The following HNRNPH3 variants were observed in gnomAD, a reference collection of about 807,000 sequenced individuals.
HNRNPH3 encodes the protein heterogeneous nuclear ribonucleoprotein 2H9.
A neutral mutation model predicts 47.0 loss-of-function variants in HNRNPH3; 7 were observed. The ratio of observed to expected loss-of-function variants is 0.15; its 90% CI spans 0.08 to 0.28. The LOEUF is 0.28. HNRNPH3 is among the 10% of genes least tolerant of loss of function. The pLI, the probability that HNRNPH3 is intolerant of heterozygous loss-of-function variation, is 1.00. For synonymous variants in HNRNPH3, 120 were observed against 143.2 expected (o/e 0.84, Z 1.16); for missense variants, 279 against 449.6 (o/e 0.62, Z 3.43).
At chr10:68,341,494 T>G in intron 7 of HNRNPH3, 91 bp from the exon 8 acceptor site, 1 of 1,043,984 alleles carries the variant, frequency 9.6e-7, no homozygotes. Context: ...TTGTTTAATA[T>G]TACTTAATTG....
rs996561097 is a variant in HNRNPH3 at position 68,341,981 on chromosome 10, G to C, written c.968G>C (p.Arg323Pro). 1.2e-6 allele frequency: 2 copies of C among 1,613,682 alleles called. No individual in the cohort carries two copies. The highest frequency in any genetic ancestry group is 1.7e-6 in the Non-Finnish European group (2 of 1,179,802). Residue 323 changes from arginine to proline, a missense_variant, in exon 10 of 10, where the codon CGT becomes CCT. By Grantham distance (103) the Arg-to-Pro change is moderately radical. Transcript: ENST00000265866. ...TTCTTAATATCTTTTTCTTAAGGCC[G>C]TGGTGGTGGAGGCAGTGGAGGTTAC... Reference protein sequence around the residue: ...GTPDGLGGYGRGGGGSGGYYG... With the variant: ...GTPDGLGGYGPGGGGSGGYYG...
Position 68,332,087 on chromosome 10 carries a change from T to A in HNRNPH3, c.-153T>A, listed in dbSNP as rs1300920834. The A allele has an allele frequency of 6.6e-6, 1 of 152,328 alleles. No homozygotes were observed. The highest frequency in any genetic ancestry group is 1.9e-4 in the East Asian group (1 of 5,192). 9.4% of individuals were successfully genotyped at this position (152,328 alleles called of 1,614,324 possible). ...CCAGTAGCTGTGCTGCGCAGCTCCC[T>A]AAGCGGTTGTCACCGCTGGAGACGG... On this transcript the variant is annotated 5_prime_UTR_variant, in exon 1 of 10. Coordinates refer to ENST00000265866, the MANE Select transcript of HNRNPH3 (RefSeq NM_012207.3).
In HNRNPH3 at chr10:68,339,565, T is replaced by C; in HGVS notation, c.639+10T>C. 1 of 1,498,250 alleles carries C rather than the reference T, an allele frequency of 6.7e-7. No individual in the cohort carries two copies. The highest frequency in any genetic ancestry group is 2.3e-5 in the East Asian group (1 of 44,316). 92.8% of individuals were successfully genotyped at this position (1,498,250 alleles called of 1,614,324 possible). On this transcript the variant is annotated intron_variant, in intron 6 of 9. Transcript: ENST00000265866. ...AAATGACATTGCTAATGTGAGTAAT[T>C]TTTAATAACTATTAGTGGTTTTATA...
chr10:68,342,263 A>C lies in HNRNPH3; in HGVS notation c.*209A>C. 1 of 489,806 alleles carries C rather than the reference A, an allele frequency of 2.0e-6. No individual in the cohort carries two copies. Among genetic ancestry groups the C allele is most frequent in the Middle Eastern group, 5.5e-4 (1 of 1,832 alleles). 30.3% of individuals were successfully genotyped at this position (489,806 alleles called of 1,614,324 possible). A position where few individuals can be genotyped will look rare whatever the true frequency, so the allele number is the denominator to read the frequency against. On this transcript the variant is annotated 3_prime_UTR_variant, in exon 10 of 10. Coordinates refer to ENST00000265866, the MANE Select transcript of HNRNPH3 (RefSeq NM_012207.3). ...TACTTTGACTTAAAAATAAATTTTT[A>C]TATTCAAACCACTGATGTTGATACT...
chr10:68,331,960 C>G (rs921858476), upstream of HNRNPH3: 1 of 152,384 alleles, frequency 6.6e-6, no homozygotes, highest in African/African-American at 2.4e-5. Flanking sequence ...CCGCCAGCGC[C>G]ATGCGAAACC....
chr10:68,339,316 A>G, intron 5 of HNRNPH3, 90 bp downstream of exon 5: 1 of 1,567,878 alleles, frequency 6.4e-7, no homozygotes, highest in Middle Eastern at 1.7e-4. Context: ...AAACTTGTAT[A>G]AAGTTAATTC....
Position 68,337,634 on chromosome 10 carries a change from T to C in HNRNPH3, c.113-224T>C. ...TTTTCATGTAATATAGGTGGGCTTTTAGAGTGTGTAATTACACAGTGTTTT... is the reference window on the plus strand; with the variant it reads ...TTTTCATGTAATATAGGTGGGCTTTCAGAGTGTGTAATTACACAGTGTTTT... On this transcript the variant is annotated intron_variant, in intron 2 of 9. Coordinates refer to ENST00000265866, the MANE Select transcript of HNRNPH3 (RefSeq NM_012207.3). The surrounding 1 kb of genome is among the most constrained non-coding windows in gnomAD (Gnocchi z 4.5). The C allele has an allele frequency of 1.9e-6, 1 of 533,230 alleles. No individual in the cohort carries two copies. The highest frequency in any genetic ancestry group is 3.3e-6 in the Non-Finnish European group (1 of 300,594). 33.0% of individuals were successfully genotyped at this position (533,230 alleles called of 1,614,324 possible).
chr10:68,334,466 T>A (rs1301591715), intron 1 of HNRNPH3, among the ~76,000 whole-genome samples: 1 of 152,174 alleles, frequency 6.6e-6, no homozygotes, highest in East Asian at 1.9e-4. Context: ...AAATGTACAG[T>A]TTAGTGGATT....
chr10:68,337,494 A>G lies in HNRNPH3; in HGVS notation c.112+161A>G, dbSNP rs1173251612. 2 of 589,308 alleles carry G rather than the reference A, an allele frequency of 3.4e-6. No homozygotes were observed. Among genetic ancestry groups the G allele is most frequent in the Admixed American group, 3.2e-5 (1 of 31,032 alleles). 36.5% of individuals were successfully genotyped at this position (589,308 alleles called of 1,614,324 possible). A position where few individuals can be genotyped will look rare whatever the true frequency, so the allele number is the denominator to read the frequency against. ...AATAATATGCTCCAGTTAATATTCA[A>G]TACAGAATGTGTAGAATATGTAAAA... On this transcript the variant is annotated intron_variant, in intron 2 of 9. Transcript: ENST00000265866. The surrounding 1 kb of genome is among the most constrained non-coding windows in gnomAD (Gnocchi z 4.5).
chr10:68,339,900 T>C (rs2045771918), intron 6 of HNRNPH3, among the ~76,000 whole-genome samples: 1 of 152,182 alleles, frequency 6.6e-6, no homozygotes, highest in East Asian at 1.9e-4. Flanking sequence ...CCATTGTGTG[T>C]CAACCTACAT....
At chr10:68,338,897 T>G (rs1301787309) in intron 4 of HNRNPH3, 1 of 520,050 alleles carries the variant, frequency 1.9e-6, no homozygotes, top group Non-Finnish European at 3.3e-6. Flanking sequence ...AATTAAGATG[T>G]TGGCATATTT....
At position 68,341,687 on chromosome 10, in the gene HNRNPH3, A is replaced by G. The variant is rs2045956953; in HGVS notation, c.871+7A>G. ...TACGGAAGAGATGGAATGGGTATGT[A>G]AAGTTTTTAAAATATGCAGGGTTAG... is the stretch of plus-strand genomic sequence containing the variant. On this transcript the variant is annotated splice_region_variant and intron_variant, in intron 8 of 9. Transcript: ENST00000265866. 1 of 1,606,986 alleles carries G rather than the reference A, an allele frequency of 6.2e-7. No individual in the cohort carries two copies. Among genetic ancestry groups the G allele is most frequent in the Non-Finnish European group, 8.5e-7 (1 of 1,175,286 alleles).
At chr10:68,339,352 T>C in intron 5 of HNRNPH3, 88 bp from the exon 6 acceptor site, 2 of 1,508,734 alleles carry the variant, frequency 1.3e-6, no homozygotes, top group Non-Finnish European at 1.8e-6. Flanking sequence ...CATTCCTATA[T>C]AGAGCTTTAT....
chr10:68,342,875 G>T lies in HNRNPH3; in HGVS notation c.*821G>T, dbSNP rs2046046671. On this transcript the variant is annotated 3_prime_UTR_variant, in exon 10 of 10. Coordinates refer to ENST00000265866, the MANE Select transcript of HNRNPH3 (RefSeq NM_012207.3). ...TATAATTCTCACAATTGTATTTTCA[G>T]TTTTCTGCCCAATAGAGTTTAAATA... 1 of 152,272 alleles carries T rather than the reference G, an allele frequency of 6.6e-6. No homozygotes were observed. Among genetic ancestry groups the T allele is most frequent in the Non-Finnish European group, 1.5e-5 (1 of 68,022 alleles). 9.4% of individuals were successfully genotyped at this position (152,272 alleles called of 1,614,324 possible). A position where few individuals can be genotyped will look rare whatever the true frequency, so the allele number is the denominator to read the frequency against.
intron 6 of HNRNPH3, among the ~76,000 whole-genome samples, chr10:68,339,954 A>C (rs2045777659): frequency 6.6e-6 from 1 of 152,218 alleles, no homozygotes; most frequent in African/African-American, 2.4e-5. Context: ...AGTCCAGTTA[A>C]GAGTATAATG....
At chr10:68,332,794 G>C (rs1457894520) in intron 1 of HNRNPH3, 2 of 152,300 alleles carry the variant, frequency 1.3e-5, no homozygotes, top group Admixed American at 1.3e-4. Flanking sequence ...CTGGGCTGAC[G>C]GGACTGCGAG....
In HNRNPH3 at chr10:68,342,044, G is replaced by A; in HGVS notation, c.1031G>A (p.Gly344Glu). ...QGGMSGGGWR[G>E]MY ...GGCATGAGTGGAGGTGGATGGCGTG[G>A]GATGTACTGAAAGCAAAAACACCAA... is the stretch of plus-strand genomic sequence containing the variant. The change falls in exon 10 of 10, where the codon GGG becomes GAG. Residue 344 changes from glycine to glutamate, a missense_variant. Physicochemically the swap from Gly to Glu is moderately conservative, Grantham distance 98. This residue lies in a region of HNRNPH3 where 239 missense variants were observed against 335.8 expected (regional missense o/e 0.71). Coordinates refer to ENST00000265866, the MANE Select transcript of HNRNPH3 (RefSeq NM_012207.3). 6.2e-7 allele frequency: 1 copy of A among 1,613,100 alleles called. No individual in the cohort carries two copies. Among genetic ancestry groups the A allele is most frequent in the South Asian group, 1.1e-5 (1 of 90,998 alleles).
At chr10:68,341,885 C>A in intron 9 of HNRNPH3, 34 bp downstream of exon 9, 1 of 1,590,426 alleles carries the variant, frequency 6.3e-7, no homozygotes, top group Non-Finnish European at 8.6e-7. Context: ...TGTTAGTCCG[C>A]ATATGTAGTG....
Position 68,339,240 on chromosome 10 carries a change from T to TA in HNRNPH3, c.523+17dup. ...GAGATGGAAGAGGTAAAATAAATATTAAAGACATTTTTATTCATAGGTAAA... is the reference window on the plus strand; with the variant it reads ...GAGATGGAAGAGGTAAAATAAATATTAAAAGACATTTTTATTCATAGGTAAA... On this transcript the variant is annotated intron_variant, in intron 5 of 9. Coordinates refer to ENST00000265866, the MANE Select transcript of HNRNPH3 (RefSeq NM_012207.3). 1 of 1,574,142 alleles carries TA rather than the reference T, an allele frequency of 6.4e-7. No homozygotes were observed. The highest frequency in any genetic ancestry group is 1.4e-5 in the African/African-American group (1 of 74,030).
Sources: allele counts gnomAD v4.1 joint callset (sites outside exome capture counted in the v4.1 genomes callset), GRCh38; gene constraint gnomAD v4.1.1; regional missense constraint gnomAD v4.1.1; non-coding constraint Gnocchi (gnomAD v3.1); transcripts MANE v1.5; gene names NCBI Gene and HGNC (gene_info 2026-07-23, HGNC 2026-07-21).